Variants in UNC80 observed in about 807,000 individuals in gnomAD.
The protein encoded by UNC80 is protein unc-80 homolog.
Under a neutral mutation model 384.6 loss-of-function variants are expected in UNC80, and 164 were observed. The ratio of observed to expected loss-of-function variants is 0.43; its 90% CI spans 0.38 to 0.49. The LOEUF (loss-of-function observed/expected upper bound fraction) is 0.49, where lower values mean the gene tolerates loss of function less well. Among genes scored for constraint, UNC80 ranks in the 20% least tolerant of loss-of-function variants. The probability of loss-of-function intolerance (pLI) is 0.00; values close to 1 mark genes in which losing one functional copy is unlikely to be tolerated. For missense variants in UNC80, 3,330 were observed against 4,143.0 expected (o/e 0.80, Z 5.39); for synonymous variants, 1,486 against 1,527.8 (o/e 0.97, Z 0.64).
rs895702573 is a variant in UNC80 at position 209,921,428 on chromosome 2, T to A, written c.5344-72T>A. ...AAACTACTACGTTTGTGTCATTCATTGGAACACTCTTTATGCCTGTGACCT... is the reference window on the plus strand; with the variant it reads ...AAACTACTACGTTTGTGTCATTCATAGGAACACTCTTTATGCCTGTGACCT... On this transcript the variant is annotated intron_variant, in intron 33 of 64. Transcript: ENST00000673920. The A allele has an allele frequency of 2.9e-6, 4 of 1,388,444 alleles. No homozygotes were observed. In the East Asian group the frequency reaches 1.0e-4, roughly 35 times the overall value. The allele number at this position is 1,388,444 out of a possible 1,614,324, so 86.0% of individuals were successfully genotyped here.
intron 3 of UNC80, among the ~76,000 whole-genome samples, chr2:209,776,792 C>A (rs2076890091): frequency 1.3e-5 from 2 of 152,162 alleles, no homozygotes; most frequent in African/African-American, 4.8e-5. Context: ...TGCATAAGAA[C>A]TATTTTTTAG....
chr2:209,800,719 C>T (rs2078489623), intron 7 of UNC80, among the ~76,000 whole-genome samples: 1 of 152,176 alleles, frequency 6.6e-6, no homozygotes, highest in Non-Finnish European at 1.5e-5. Context: ...CCTCTAAACA[C>T]TGCTTTAGCT....
intron 62 of UNC80, 36 bp downstream of exon 62, chr2:209,992,283 A>G: frequency 6.5e-7 from 1 of 1,529,518 alleles, no homozygotes; most frequent in Non-Finnish European, 8.9e-7. Context: ...GAACCATCCT[A>G]CGAATTGGAA....
At chr2:209,871,826 T>C (rs528306520) in intron 22 of UNC80, among the ~76,000 whole-genome samples, 11 of 151,864 alleles carry the variant, frequency 7.2e-5, no homozygotes, top group African/African-American at 1.9e-4. Flanking sequence ...TTTTTTTTTT[T>C]CAAGCACATT....
intron 38 of UNC80, among the ~76,000 whole-genome samples, chr2:209,932,529 C>G (rs1276345090): frequency 6.6e-6 from 1 of 152,176 alleles, no homozygotes; most frequent in Non-Finnish European, 1.5e-5. Context: ...CCCCAGGTCA[C>G]TGAATAGGAG....
Position 209,914,649 on chromosome 2 carries a change from C to CTGTGTGTG in UNC80, c.5029+735_5029+742dup, listed in dbSNP as rs200222549. Among the ~76,000 whole-genome samples the CTGTGTGTG allele has an allele frequency of 1.8e-3, 234 of 128,490 alleles. 2 individuals carry two copies. Among genetic ancestry groups the CTGTGTGTG allele is most frequent in the East Asian group, 0.014 (56 of 4,122 alleles). 84.3% of individuals were successfully genotyped at this position (128,490 alleles called of 152,430 possible). ...TTCTCAGGAATCCTTCTAGGGTAAA[C>CTGTGTGTG]TGTGTGTGTGTGTGTGTGTGTGTGT... On this transcript the variant is annotated intron_variant, in intron 31 of 64. Coordinates refer to ENST00000673920, the MANE Select transcript of UNC80 (RefSeq NM_001371986.1).
In UNC80 at chr2:209,917,773, C is replaced by A; in HGVS notation, c.5030-4C>A. 6.4e-7 allele frequency: 1 copy of A among 1,551,754 alleles called. No individual in the cohort carries two copies. The highest frequency in any genetic ancestry group is 8.7e-7 in the Non-Finnish European group (1 of 1,146,984). On this transcript the variant is annotated splice_polypyrimidine_tract_variant and splice_region_variant and intron_variant, in intron 31 of 64. Coordinates refer to ENST00000673920, the MANE Select transcript of UNC80 (RefSeq NM_001371986.1). ...ATAGCTGATGAATTGTTGACTGTCT[C>A]TAGCTGCCATGTTCCTGCTGTGTGC...
rs934038171 is a variant in UNC80 at position 209,922,338 on chromosome 2, C to T, written c.5617C>T (p.Arg1873Cys). The T allele has an allele frequency of 3.1e-5, 48 of 1,551,740 alleles. No homozygotes were observed. The highest frequency in any genetic ancestry group is 3.3e-4 in the Middle Eastern group (2 of 6,018). Residue 1873 changes from arginine to cysteine, a missense_variant, in exon 35 of 65, where the codon CGC (arginine) becomes TGC (cysteine). This residue lies in a region of UNC80 where 1,049 missense variants were observed against 1,488.6 expected (regional missense o/e 0.70). Transcript: ENST00000673920. ...SSTSHRNYSF[R>C]RGSVWSVRSA... is the part of the protein sequence containing the mutation. ...CACTTCCCACAGGAATTATTCCTTC[C>T]GCCGCGGGTCAGTCTGGTCAGTGCG...
At chr2:209,957,852 A>G (rs2092467086) in intron 49 of UNC80, 116 bp downstream of exon 49, 2 of 892,682 alleles carry the variant, frequency 2.2e-6, no homozygotes, top group Non-Finnish European at 3.3e-6. Flanking sequence ...AAAACCTCCA[A>G]GGAAAAGAAA....
chr2:209,828,029 A>AGT, intron 14 of UNC80, among the ~76,000 whole-genome samples: 1 of 152,192 alleles, frequency 6.6e-6, no homozygotes, highest in Middle Eastern at 3.2e-3. Flanking sequence ...GGCTTGCTTA[A>AGT]ACTTCCCACT....
At chr2:209,953,984 G>T (rs1475831786) in intron 47 of UNC80, 116 bp from the exon 48 acceptor site, 20 of 1,157,754 alleles carry the variant, frequency 1.7e-5, no homozygotes, top group Non-Finnish European at 2.3e-5. Context: ...AGTGGCAAGG[G>T]GCCTTAGAAT....
At chr2:209,863,493 T>C (rs752011877) in intron 22 of UNC80, among the ~76,000 whole-genome samples, 8 of 152,172 alleles carry the variant, frequency 5.3e-5, no homozygotes, top group Non-Finnish European at 1.0e-4. Context: ...GTTCAGTCTT[T>C]TTATGAAGTC....
chr2:209,828,952 T>C (rs998884746), intron 14 of UNC80, among the ~76,000 whole-genome samples: 5 of 152,154 alleles, frequency 3.3e-5, no homozygotes, highest in Non-Finnish European at 7.4e-5. Flanking sequence ...TCTATCTTGG[T>C]GAAAATACTG....
At position 209,997,734 on chromosome 2, in the gene UNC80, CAG is replaced by C. The variant is rs1260001407; in HGVS notation, c.*2140_*2141del. The C allele has an allele frequency of 6.6e-6, 1 of 152,068 alleles. No individual in the cohort carries two copies. Among genetic ancestry groups the C allele is most frequent in the Non-Finnish European group, 1.5e-5 (1 of 67,984 alleles). 9.4% of individuals were successfully genotyped at this position (152,068 alleles called of 1,614,324 possible). On this transcript the variant is annotated 3_prime_UTR_variant, in exon 65 of 65. Coordinates refer to ENST00000673920, the MANE Select transcript of UNC80 (RefSeq NM_001371986.1). ...GCAAAAAAGCCTCCACTCTGAGAAA[CAG>C]GGCCTTATAGAGTAGGAATGTTTTC...
At chr2:209,789,255 G>C (rs2077646978) in intron 5 of UNC80, among the ~76,000 whole-genome samples, 1 of 152,158 alleles carries the variant, frequency 6.6e-6, no homozygotes, top group Non-Finnish European at 1.5e-5. Context: ...GTGCTGAGTA[G>C]GTGTTAACTA....
chr2:209,856,661 C>T (rs1010169051), intron 22 of UNC80, among the ~76,000 whole-genome samples: 2 of 152,042 alleles, frequency 1.3e-5, no homozygotes, highest in Non-Finnish European at 2.9e-5. Flanking sequence ...AATATATTGA[C>T]TAGTTAATGC....
Position 209,887,731 on chromosome 2 carries a change from C to CTTGCTTGATGCATGCTTTT in UNC80, c.4111-363_4111-362insTGCTTGATGCATGCTTTTT, listed in dbSNP as rs2085955438. ...AAGTTCCTTATTTATCCTTCAGTAC[C>CTTGCTTGATGCATGCTTTT]TAACACATCCATGCTTGATGCATGA... On this transcript the variant is annotated intron_variant, in intron 25 of 64. Coordinates refer to ENST00000673920, the MANE Select transcript of UNC80 (RefSeq NM_001371986.1). 3.3e-5 allele frequency among the ~76,000 whole-genome samples: 5 copies of CTTGCTTGATGCATGCTTTT among 152,244 alleles called. No homozygotes were observed. In the South Asian group the frequency reaches 8.3e-4, roughly 25 times the overall value.
rs369204992 is a variant in UNC80 at position 209,874,767 on chromosome 2, A to C, written c.3840+1797A>C. On this transcript the variant is annotated intron_variant, in intron 23 of 64. Transcript: ENST00000673920. ...AAGTACAGACTTCCCTAACCATAGC[A>C]GTTTTCAGATCCCAGACCTACATTG... 2.6e-4 allele frequency among the ~76,000 whole-genome samples: 39 copies of C among 152,170 alleles called. 1 individual carries two copies. In the East Asian group the frequency reaches 4.0e-3, roughly 16 times the overall value.
chr2:209,957,373 G>T (rs1393966281), intron 48 of UNC80, among the ~76,000 whole-genome samples: 2 of 152,112 alleles, frequency 1.3e-5, no homozygotes, highest in African/African-American at 4.8e-5. Flanking sequence ...TAAATGTCTT[G>T]TTGGAAGAGT....
Sources: gnomAD v4.1 joint callset for allele counts (sites outside exome capture counted in the v4.1 genomes callset) on GRCh38, gnomAD v4.1.1 for gene constraint, gnomAD v4.1.1 regional missense constraint, MANE v1.5 for transcripts, NCBI Gene and HGNC (gene_info 2026-07-23, HGNC 2026-07-21) for gene names.